Variants in NXPE2 observed in about 807,000 individuals in gnomAD.
The protein encoded by NXPE2 is neurexophilin and PC-esterase domain family member 2, also known as NXPE family member 2.
A neutral mutation model predicts 34.4 loss-of-function variants in NXPE2; 34 were observed. That is an observed-to-expected ratio of 0.99 (90% CI 0.75 to 1.31). NXPE2 has a LOEUF of 1.31. NXPE2 is among the 40% of genes most tolerant of loss of function. The pLI is 0.00. For synonymous variants in NXPE2, 235 were observed against 231.3 expected, an observed-to-expected ratio of 1.02 and a Z score of -0.15; for missense variants, 649 against 672.5, an observed-to-expected ratio of 0.97 and a Z score of 0.39.
chr11:114,645,853 A>G, the NXPE2 span, among the ~76,000 whole-genome samples: 2 of 152,208 alleles, frequency 1.3e-5, no homozygotes, highest in Non-Finnish European at 2.9e-5. Flanking sequence ...ATTTGAGAGT[A>G]TAAAAATTAT....
chr11:114,472,081 A>G, the NXPE2 span, among the ~76,000 whole-genome samples: 1 of 152,226 alleles, frequency 6.6e-6, no homozygotes, highest in Admixed American at 6.5e-5. Flanking sequence ...AGGTGATGCT[A>G]AACAACATTT....
the NXPE2 span, among the ~76,000 whole-genome samples, chr11:114,485,129 C>T: frequency 1.3e-5 from 2 of 152,130 alleles, no homozygotes; most frequent in Non-Finnish European, 2.9e-5. Flanking sequence ...GTGTATTAAA[C>T]ACATCAGGGT....
At chr11:114,747,099 C>T in the NXPE2 span, among the ~76,000 whole-genome samples, 2 of 152,164 alleles carry the variant, frequency 1.3e-5, no homozygotes, top group Non-Finnish European at 2.9e-5. Context: ...ATGTCTTCTA[C>T]CTTCCCTCTA....
the NXPE2 span, chr11:114,583,665 G>A: frequency 6.8e-6 from 4 of 586,058 alleles, no homozygotes; most frequent in East Asian, 9.0e-5. Context: ...TGGGCTGGAG[G>A]CCTGCACCAT....
downstream of NXPE2, chr11:114,707,418 A>G (rs1467653802): frequency 1.6e-5 from 7 of 424,844 alleles, no homozygotes; most frequent in Non-Finnish European, 3.3e-5. Context: ...ATTTTTCGAG[A>G]CAGTCTCACT....
the NXPE2 span, among the ~76,000 whole-genome samples, chr11:114,477,323 T>C: frequency 1.3e-5 from 2 of 152,308 alleles, no homozygotes. Context: ...TAATGTTTTG[T>C]ATACTTGTAA....
the NXPE2 span, chr11:114,530,630 G>T: frequency 9.3e-6 from 15 of 1,613,998 alleles, no homozygotes; most frequent in Non-Finnish European, 5.1e-6. Flanking sequence ...GTCCCAAGTG[G>T]TCCCTCACCT....
At chr11:114,808,672 T>A in the NXPE2 span, among the ~76,000 whole-genome samples, 5 of 150,570 alleles carry the variant, frequency 3.3e-5, no homozygotes, top group African/African-American at 1.2e-4. Flanking sequence ...AATAGACCAA[T>A]AACAGGCTCT....
the NXPE2 span, among the ~76,000 whole-genome samples, chr11:114,641,731 A>G: frequency 2.0e-5 from 3 of 152,120 alleles, no homozygotes; most frequent in African/African-American, 7.2e-5. Flanking sequence ...CTTAGAGCAC[A>G]CTGAAAGTGG....
At chr11:114,602,124 A>C in the NXPE2 span, among the ~76,000 whole-genome samples, 1 of 101,820 alleles carries the variant, frequency 9.8e-6, no homozygotes, top group Non-Finnish European at 1.7e-5. Context: ...AATTATATAT[A>C]TTATACATAA....
chr11:114,496,690 TTACTC>T, the NXPE2 span, among the ~76,000 whole-genome samples: 2 of 152,186 alleles, frequency 1.3e-5, no homozygotes, highest in African/African-American at 4.8e-5. Flanking sequence ...CAATACCCAA[TTACTC>T]TAATATGCGT....
intron 2 of NXPE2, among the ~76,000 whole-genome samples, chr11:114,689,844 A>G (rs2135546422): frequency 6.6e-6 from 1 of 152,224 alleles, no homozygotes; most frequent in South Asian, 2.1e-4. Flanking sequence ...TCATTATGTC[A>G]TGCCCTTATT....
the NXPE2 span, among the ~76,000 whole-genome samples, chr11:114,638,092 CA>C: frequency 1.2e-4 from 18 of 151,560 alleles, no homozygotes; most frequent in Non-Finnish European, 2.4e-4. Context: ...CCGTCACTTT[CA>C]GGTACACCAA....
At chr11:114,757,081 T>C in the NXPE2 span, among the ~76,000 whole-genome samples, 1 of 152,174 alleles carries the variant, frequency 6.6e-6, no homozygotes, top group African/African-American at 2.4e-5. Context: ...TTCTCAACAC[T>C]GTATTGCAGC....
intron 2 of NXPE2, among the ~76,000 whole-genome samples, chr11:114,693,904 T>C (rs982631830): frequency 6.6e-6 from 1 of 152,212 alleles, no homozygotes; most frequent in African/African-American, 2.4e-5. Context: ...AATGCAAATT[T>C]ATTATGTTGC....
At chr11:114,741,044 G>A in the NXPE2 span, among the ~76,000 whole-genome samples, 1 of 152,052 alleles carries the variant, frequency 6.6e-6, no homozygotes, top group Non-Finnish European at 1.5e-5. Context: ...CTTTGTCTGG[G>A]AAAGTCTTTA....
chr11:114,784,401 C>A, the NXPE2 span, among the ~76,000 whole-genome samples: 1 of 152,196 alleles, frequency 6.6e-6, no homozygotes, highest in Non-Finnish European at 1.5e-5. Flanking sequence ...AGTCCCAGCA[C>A]ATCTGGAGTC....
chr11:114,500,537 G>A, the NXPE2 span, among the ~76,000 whole-genome samples: 1 of 151,960 alleles, frequency 6.6e-6, no homozygotes, highest in African/African-American at 2.4e-5. Flanking sequence ...TCAGATTTAC[G>A]TATTGTAATA....
chr11:114,778,777 T>G, the NXPE2 span, among the ~76,000 whole-genome samples: 1 of 152,186 alleles, frequency 6.6e-6, no homozygotes, highest in Non-Finnish European at 1.5e-5. Context: ...TTCCTGCAAA[T>G]GCTTCCTAGA....
Sources: gnomAD v4.1 joint callset for allele counts (sites outside exome capture counted in the v4.1 genomes callset) on GRCh38, gnomAD v4.1.1 for gene constraint, MANE v1.5 for transcripts, NCBI Gene and HGNC (gene_info 2026-07-23, HGNC 2026-07-21) for gene names.